Variants in LRRTM1 observed in about 807,000 individuals in gnomAD.
The protein encoded by LRRTM1 is leucine rich repeat transmembrane neuronal 1, also known as leucine-rich repeat transmembrane neuronal protein 1.
LRRTM1 carries 8 observed loss-of-function variants against 37.3 expected under a neutral mutation model. The observed-to-expected ratio is 0.21, with a 90% CI of 0.13 to 0.39. The LOEUF is 0.39. LRRTM1 is among the 10% of genes least tolerant of loss of function. The pLI is 1.00. For synonymous variants in LRRTM1, 326 were observed against 316.8 expected, an observed-to-expected ratio of 1.03 and a Z score of -0.31; for missense variants, 557 against 691.0, an observed-to-expected ratio of 0.81 and a Z score of 2.17.
chr2:80,290,475 G>A lies in LRRTM1; in HGVS notation c.*307-1280C>T, dbSNP rs558000271. Among the ~76,000 whole-genome samples the A allele has an allele frequency of 5.1e-4, 78 of 151,974 alleles. 1 individual carries two copies. Among genetic ancestry groups the A allele is most frequent in the South Asian group, 1.0e-3 (5 of 4,818 alleles). On this transcript the variant is annotated intron_variant and NMD_transcript_variant, in intron 2 of 2. Transcript: ENST00000417012. ...ACCTCACCATGGTGAGGTTGGTGAG[G>A]CTCCCGTGATGCTTTTACTTTTTGC...
chr2:80,299,131 G>A (rs561920084), downstream of LRRTM1: 5 of 152,204 alleles, frequency 3.3e-5, no homozygotes, highest in African/African-American at 4.8e-5. Context: ...GTGGCCTTAA[G>A]TTCTTTTCAG....
chr2:80,297,545 C>G (rs1675856215), downstream of LRRTM1, among the ~76,000 whole-genome samples: 1 of 152,046 alleles, frequency 6.6e-6, no homozygotes, highest in Non-Finnish European at 1.5e-5. Flanking sequence ...GTAAAAAAAG[C>G]AAAAGTCTTC....
chr2:80,303,124 G>A lies in LRRTM1; in HGVS notation c.696C>T (p.Leu232=). The A allele has an allele frequency of 6.2e-7, 1 of 1,614,122 alleles. No individual in the cohort carries two copies. The highest frequency in any genetic ancestry group is 8.5e-7 in the Non-Finnish European group (1 of 1,180,034). The change falls in exon 2 of 2, where the codon CTC becomes CTT. Residue 232 remains leucine, a synonymous_variant. Transcript: ENST00000295057. The surrounding 1 kb of genome is among the most constrained non-coding windows in gnomAD (Gnocchi z 7.7). ...VKVNFAHFPR[L]ISLHSLCLRR... Reference sequence around the variant, plus strand: ...GCAGGCAGAGCGAGTGCAGGGAGATGAGGCGCGGGAAGTGGGCGAAGTTCA... The same window carrying A: ...GCAGGCAGAGCGAGTGCAGGGAGATAAGGCGCGGGAAGTGGGCGAAGTTCA...
In LRRTM1 at chr2:80,303,273, C is replaced by T; in HGVS notation, c.547G>A (p.Asp183Asn). 1 of 1,613,606 alleles carries T rather than the reference C, an allele frequency of 6.2e-7. No individual in the cohort carries two copies. The highest frequency in any genetic ancestry group is 8.5e-7 in the Non-Finnish European group (1 of 1,180,020). The change falls in exon 2 of 2, where the codon GAC becomes AAC. Residue 183 changes from aspartate (D) to asparagine (N), a missense_variant. Around this residue, in one of 5 missense-constraint regions of LRRTM1, gnomAD observed 200 missense variants for 249.9 expected, o/e 0.80. Transcript: ENST00000295057. The surrounding 1 kb of genome is among the most constrained non-coding windows in gnomAD (Gnocchi z 7.7). ...TCGAGAAACTTGAGGCTGCGGCAGT[C>T]CTGGAAGATGCGCACGGGCACAAAC... ...IQFVPVRIFQ[D>N]CRSLKFLDIG... is the part of the protein sequence containing the mutation.
chr2:80,296,740 AT>A (rs1299173630), intron 2 of LRRTM1, among the ~76,000 whole-genome samples: 1 of 152,098 alleles, frequency 6.6e-6, no homozygotes, highest in African/African-American at 2.4e-5. Context: ...TCAAATAATT[AT>A]TTGATGTGGG....
chr2:80,288,944 ACT>A (rs1416201935), exon 3 of LRRTM1: 2 of 152,194 alleles, frequency 1.3e-5, no homozygotes, highest in East Asian at 1.9e-4. Flanking sequence ...GTCCAAGAAC[ACT>A]GTTTCTCATG....
chr2:80,295,394 C>T (rs1427893107), intron 2 of LRRTM1, among the ~76,000 whole-genome samples: 1 of 152,164 alleles, frequency 6.6e-6, no homozygotes, highest in Non-Finnish European at 1.5e-5. Flanking sequence ...CTCATCTTCT[C>T]CTCTGTTTTC....
downstream of LRRTM1, among the ~76,000 whole-genome samples, chr2:80,300,130 C>G (rs959830471): frequency 6.6e-6 from 1 of 152,068 alleles, no homozygotes; most frequent in East Asian, 1.9e-4. Flanking sequence ...AAAACCCCCT[C>G]CTCAAAGTTA....
At chr2:80,300,281 GGTGTGTGT>G (rs70940079), downstream of LRRTM1, among the ~76,000 whole-genome samples, 2,105 of 93,076 alleles carry the variant, frequency 0.023, 23 homozygotes, top group African/African-American at 0.036. Flanking sequence ...GGGGTGTTGG[GGTGTGTGT>G]GTGTGTGTGT....
rs1676568172 is a variant in LRRTM1 at position 80,303,446 on chromosome 2, A to G, written c.374T>C (p.Ile125Thr). 6.2e-7 allele frequency: 1 copy of G among 1,614,020 alleles called. No individual in the cohort carries two copies. The highest frequency in any genetic ancestry group is 8.5e-7 in the Non-Finnish European group (1 of 1,180,034). The change falls in exon 2 of 2, where the codon ATC becomes ACC. Residue 125 changes from isoleucine to threonine, a missense_variant. By Grantham distance (89) the Ile-to-Thr change is moderately conservative. Around this residue, in one of 5 missense-constraint regions of LRRTM1, gnomAD observed 38 missense variants for 72.9 expected, o/e 0.52. Transcript: ENST00000295057. The surrounding 1 kb of genome is among the most constrained non-coding windows in gnomAD (Gnocchi z 7.7). ...GAAGGTGGTGTTGGGCAGTTGGGTG[A>G]TCTGGTTGGAACTCAGCGTGAGTTC... ...VKELTLSSNQITQLPNTTFRP... is the reference protein window; with the variant it reads ...VKELTLSSNQTTQLPNTTFRP...
chr2:80,303,681 C>A lies in LRRTM1; in HGVS notation c.139G>T (p.Gly47Trp). 1 of 1,611,196 alleles carries A rather than the reference C, an allele frequency of 6.2e-7. No homozygotes were observed. The change falls in exon 2 of 2, where the codon GGG (glycine) becomes TGG (tryptophan). Residue 47 changes from glycine (G) to tryptophan (W), a missense_variant. Around this residue, in one of 5 missense-constraint regions of LRRTM1, gnomAD observed 140 missense variants for 138.1 expected, o/e 1.01. Coordinates refer to ENST00000295057, the MANE Select transcript of LRRTM1 (RefSeq NM_178839.5). The surrounding 1 kb of genome is among the most constrained non-coding windows in gnomAD (Gnocchi z 7.7). ...AGCGCCTCGCAGTACAGCAGCCGCC[C>A]CTCGCACCGGCACAGCTGCGGGCAC... Reference protein sequence around the residue: ...SGCPQLCRCEGRLLYCEALNL... With the variant: ...SGCPQLCRCEWRLLYCEALNL...
Position 80,302,453 on chromosome 2 carries a change from C to T in LRRTM1, c.1367G>A (p.Ser456Asn). Residue 456 changes from serine (S) to asparagine (N), a missense_variant, in exon 2 of 2, where the codon AGC (serine) becomes AAC (asparagine). This residue lies in a region of LRRTM1 where 90 missense variants were observed against 149.4 expected (regional missense o/e 0.60). Transcript: ENST00000295057. This position sits in a 1 kb window ranked among gnomAD's most constrained non-coding sequence, Gnocchi z 6.4. The part of the protein sequence containing the change: ...LYVSWKCFPA[S>N]LRQLRQCFVT... ...AAAGCACTGTCTGAGCTGCCTGAGG[C>T]TGGCTGGGAAACACTTCCAGGACAC... 6.2e-7 allele frequency: 1 copy of T among 1,614,212 alleles called. No individual in the cohort carries two copies. Among genetic ancestry groups the T allele is most frequent in the Non-Finnish European group, 8.5e-7 (1 of 1,180,042 alleles).
downstream of LRRTM1, chr2:80,298,748 T>A (rs749917673): frequency 7.2e-5 from 11 of 152,338 alleles, no homozygotes; most frequent in Admixed American, 2.6e-4. Flanking sequence ...TTTAAATGGT[T>A]GAGAAAACTA....
At chr2:80,295,072 CCTT>C (rs941331474) in intron 2 of LRRTM1, among the ~76,000 whole-genome samples, 14 of 151,962 alleles carry the variant, frequency 9.2e-5, no homozygotes, top group Admixed American at 7.9e-4. Context: ...CCTCTCATCT[CCTT>C]CTCCCACCTT....
At position 80,303,522 on chromosome 2, in the gene LRRTM1, G is replaced by A. The variant is rs1401927680; in HGVS notation, c.298C>T (p.His100Tyr). The A allele has an allele frequency of 6.2e-7, 1 of 1,614,254 alleles. No homozygotes were observed. The highest frequency in any genetic ancestry group is 1.7e-5 in the Admixed American group (1 of 60,028). Residue 100 changes from histidine to tyrosine, a missense_variant, in exon 2 of 2, where the codon CAC becomes TAC. His to Tyr is a moderately conservative substitution (Grantham distance 83). Coordinates refer to ENST00000295057, the MANE Select transcript of LRRTM1 (RefSeq NM_178839.5). The surrounding 1 kb of genome is among the most constrained non-coding windows in gnomAD (Gnocchi z 7.7). ...GCGTCCCCCTGCACGGAGCAGATGT[G>A]ATTGTGATCCAGATAGAGCCACGTG... is the stretch of plus-strand genomic sequence containing the variant. ...QLTWLYLDHN[H>Y]ICSVQGDAFQ... is the part of the protein sequence containing the mutation.
Position 80,302,720 on chromosome 2 carries a change from G to T in LRRTM1, c.1100C>A (p.Ala367Asp). Residue 367 changes from alanine to aspartate, a missense_variant, in exon 2 of 2, where the codon GCC (alanine) becomes GAC (aspartate). This residue lies in a region of LRRTM1 where 89 missense variants were observed against 80.7 expected (regional missense o/e 1.10). Transcript: ENST00000295057. The surrounding 1 kb of genome is among the most constrained non-coding windows in gnomAD (Gnocchi z 6.4). ...GAGCAGGTGGCCGCTGGTGGGCTCG[G>T]CCCCATCCTCGCACAGGTGGAAGGC... is the stretch of plus-strand genomic sequence containing the variant. ...VYAFHLCEDGAEPTSGHLLSA... is the reference protein window; with the variant it reads ...VYAFHLCEDGDEPTSGHLLSA... 5 of 1,612,900 alleles carry T rather than the reference G, an allele frequency of 3.1e-6. No homozygotes were observed. Among genetic ancestry groups the T allele is most frequent in the Non-Finnish European group, 4.2e-6 (5 of 1,179,830 alleles).
intron 2 of LRRTM1, among the ~76,000 whole-genome samples, chr2:80,290,442 G>A (rs112727008): frequency 8.6e-5 from 13 of 151,936 alleles, no homozygotes; most frequent in Admixed American, 2.6e-4. Context: ...AAGTAAAAGC[G>A]TCATGAAACC....
chr2:80,293,017 G>T (rs1351080322), intron 2 of LRRTM1, among the ~76,000 whole-genome samples: 1 of 152,104 alleles, frequency 6.6e-6, no homozygotes. Context: ...ATTCTGAAAA[G>T]TCCCATTATT....
chr2:80,298,987 T>G (rs1676004282), downstream of LRRTM1: 1 of 152,154 alleles, frequency 6.6e-6, no homozygotes, highest in Non-Finnish European at 1.5e-5. Flanking sequence ...AGAGTGTCAT[T>G]TGTCATGTGA....
Sources: allele counts gnomAD v4.1 joint callset (sites outside exome capture counted in the v4.1 genomes callset), GRCh38; gene constraint gnomAD v4.1.1; regional missense constraint gnomAD v4.1.1; non-coding constraint Gnocchi (gnomAD v3.1); transcripts MANE v1.5; gene names NCBI Gene and HGNC (gene_info 2026-07-23, HGNC 2026-07-21).